SMYD3: variants seen among roughly 807,000 people sequenced by gnomAD.
SMYD3 encodes the protein SET and MYND domain containing 3.
Under a neutral mutation model 57.7 loss-of-function variants are expected in SMYD3, and 36 were observed. The observed-to-expected ratio is 0.62, with a 90% CI of 0.48 to 0.82. The LOEUF (loss-of-function observed/expected upper bound fraction) is 0.82, where lower values mean the gene tolerates loss of function less well. SMYD3 is among the 40% of genes least tolerant of loss of function. The pLI is 0.00. For synonymous variants in SMYD3, 211 were observed against 195.0 expected, an observed-to-expected ratio of 1.08 and a Z score of -0.68; for missense variants, 515 against 538.8, an observed-to-expected ratio of 0.96 and a Z score of 0.44.
intron 2 of SMYD3, among the ~76,000 whole-genome samples, chr1:246,336,060 C>A (rs749187997): frequency 6.6e-6 from 1 of 152,172 alleles, no homozygotes; most frequent in Admixed American, 6.5e-5. Context: ...TATGTCCTGG[C>A]TTAAATATTA....
intron 5 of SMYD3, among the ~76,000 whole-genome samples, chr1:246,249,239 G>A (rs918987900): frequency 1.3e-5 from 2 of 152,018 alleles, no homozygotes; most frequent in Non-Finnish European, 1.5e-5. Context: ...AAGTAGCTGG[G>A]AGTACAGGCG....
intron 1 of SMYD3, among the ~76,000 whole-genome samples, chr1:246,429,548 C>T (rs1314829259): frequency 6.6e-6 from 1 of 152,216 alleles, no homozygotes; most frequent in Non-Finnish European, 1.5e-5. Flanking sequence ...CCACATATAT[C>T]TACATAAGTC....
chr1:246,443,535 GA>G (rs1216519362), intron 1 of SMYD3, among the ~76,000 whole-genome samples: 2 of 152,200 alleles, frequency 1.3e-5, no homozygotes, highest in African/African-American at 4.8e-5. Context: ...ACACTTGAAA[GA>G]AATAAGTCCT....
At chr1:246,089,171 G>A (rs1239247656) in intron 5 of SMYD3, among the ~76,000 whole-genome samples, 1 of 151,966 alleles carries the variant, frequency 6.6e-6, no homozygotes, top group East Asian at 1.9e-4. Flanking sequence ...TAGAGATGGG[G>A]TCTCACCATG....
At chr1:245,860,698 T>C (rs1190979762) in intron 9 of SMYD3, among the ~76,000 whole-genome samples, 1 of 152,256 alleles carries the variant, frequency 6.6e-6, no homozygotes, top group Non-Finnish European at 1.5e-5. Flanking sequence ...CTGACATGTA[T>C]GTTCAAAGTT....
At chr1:246,188,959 C>CA (rs76022016) in intron 5 of SMYD3, 4,996 of 98,466 alleles carry the variant, frequency 0.051, 210 homozygotes, top group African/African-American at 0.14. Flanking sequence ...GACCCTGTCT[C>CA]AAAAAAAAAA....
At chr1:246,479,151 GTAAA>G (rs1263857700) in intron 1 of SMYD3, among the ~76,000 whole-genome samples, 1 of 151,248 alleles carries the variant, frequency 6.6e-6, no homozygotes, top group African/African-American at 2.5e-5. Flanking sequence ...GCTCATATAT[GTAAA>G]CCTGTCCTCT....
chr1:246,433,890 G>A (rs945424778), intron 1 of SMYD3, among the ~76,000 whole-genome samples: 6 of 152,126 alleles, frequency 3.9e-5, no homozygotes, highest in African/African-American at 1.4e-4. Context: ...AGGCCAAACA[G>A]TAACCAAAAC....
At chr1:245,973,154 T>C (rs2058342709) in intron 5 of SMYD3, among the ~76,000 whole-genome samples, 1 of 152,204 alleles carries the variant, frequency 6.6e-6, no homozygotes, top group Non-Finnish European at 1.5e-5. Context: ...AAGATGGCTC[T>C]GGAGGAAAAC....
At chr1:246,501,751 G>A (rs1168095711) in intron 1 of SMYD3, among the ~76,000 whole-genome samples, 1 of 152,192 alleles carries the variant, frequency 6.6e-6, no homozygotes, top group Non-Finnish European at 1.5e-5. Context: ...GCAATTGGGA[G>A]AGAAAGGAAA....
At chr1:245,909,745 T>C (rs1378768869) in intron 8 of SMYD3, among the ~76,000 whole-genome samples, 1 of 152,006 alleles carries the variant, frequency 6.6e-6, no homozygotes, top group Non-Finnish European at 1.5e-5. Flanking sequence ...GAAAAAAACT[T>C]TCAATAAAAT....
rs529779309 is a variant in SMYD3, at chr1:246,491,596, T to G, written c.164+15458A>C. On this transcript the variant is annotated intron_variant, in intron 1 of 11. Coordinates refer to ENST00000490107, the MANE Select transcript of SMYD3 (RefSeq NM_001167740.2). ...TAAGAATCAGTCATTAAAGGCATAT[T>G]TAAGGAAGACTACTAATATGGCAAC... is the stretch of plus-strand genomic sequence containing the variant. Among the ~76,000 whole-genome samples the G allele has an allele frequency of 3.9e-5, 6 of 151,906 alleles. No individual in the cohort carries two copies. The East Asian group carries it at 9.7e-4, about 24-fold the overall frequency.
intron 1 of SMYD3, among the ~76,000 whole-genome samples, chr1:246,444,393 G>A (rs982867672): frequency 9.2e-5 from 14 of 152,056 alleles, no homozygotes; most frequent in Admixed American, 9.2e-4. Flanking sequence ...CAAAGTGCTG[G>A]GATTACAGGC....
intron 1 of SMYD3, among the ~76,000 whole-genome samples, chr1:246,412,853 C>A (rs1572477335): frequency 1.3e-5 from 1 of 77,694 alleles, no homozygotes. Flanking sequence ...AGTGAGACTC[C>A]GTCTCAAAAA....
intron 1 of SMYD3, among the ~76,000 whole-genome samples, chr1:246,433,665 G>GA (rs934167257): frequency 4.6e-5 from 7 of 151,936 alleles, no homozygotes; most frequent in East Asian, 1.9e-4. Context: ...GCTCCGTCTC[G>GA]AAAAAATAAA....
At chr1:246,085,474 G>A (rs911695218) in intron 5 of SMYD3, among the ~76,000 whole-genome samples, 2 of 152,034 alleles carry the variant, frequency 1.3e-5, no homozygotes, top group Non-Finnish European at 2.9e-5. Flanking sequence ...GACCTTCCCC[G>A]AAGCAGGTCA....
intron 1 of SMYD3, among the ~76,000 whole-genome samples, chr1:246,436,974 A>G (rs1278253897): frequency 6.9e-6 from 1 of 145,386 alleles, no homozygotes; most frequent in Non-Finnish European, 1.5e-5. Context: ...ATCTCGGCTC[A>G]CTGCAACCTC....
At chr1:246,048,837 T>A (rs951477106) in intron 5 of SMYD3, among the ~76,000 whole-genome samples, 1 of 151,988 alleles carries the variant, frequency 6.6e-6, no homozygotes, top group African/African-American at 2.4e-5. Flanking sequence ...CAAAGTAATG[T>A]CTGTTGTGGG....
At chr1:246,495,647 A>G (rs1175798504) in intron 1 of SMYD3, among the ~76,000 whole-genome samples, 1 of 152,108 alleles carries the variant, frequency 6.6e-6, no homozygotes, top group African/African-American at 2.4e-5. Flanking sequence ...CATATTACAA[A>G]TATACACTTT....
Sources: gnomAD v4.1 joint callset for allele counts (sites outside exome capture counted in the v4.1 genomes callset) on GRCh38, gnomAD v4.1.1 for gene constraint, MANE v1.5 for transcripts, NCBI Gene and HGNC (gene_info 2026-07-23, HGNC 2026-07-21) for gene names.